The following FBXO45 variants were observed in gnomAD, a reference collection of about 807,000 sequenced individuals.
The protein encoded by FBXO45 is F-box/SPRY domain-containing protein 1.
Under a neutral mutation model 25.5 loss-of-function variants are expected in FBXO45, and 3 were observed. The ratio of observed to expected loss-of-function variants is 0.12; its 90% CI spans 0.05 to 0.30. The LOEUF is 0.30. Ranked by LOEUF, FBXO45 falls within the 10% of genes least tolerant of loss-of-function variation. The probability of loss-of-function intolerance (pLI) is 1.00; values close to 1 mark genes in which losing one functional copy is unlikely to be tolerated. For missense variants in FBXO45, 219 were observed against 365.0 expected (o/e 0.60, Z 3.26); for synonymous variants, 155 against 149.8 (o/e 1.03, Z -0.25).
chr3:196,570,813 G>C (rs1180986394), intron 1 of FBXO45, among the ~76,000 whole-genome samples: 1 of 148,506 alleles, frequency 6.7e-6, no homozygotes, highest in Non-Finnish European at 1.5e-5. Context: ...CCGGGTTCAC[G>C]CCATTCTCCT....
rs1736114630 is a variant in FBXO45 at position 196,586,575 on chromosome 3, T to C, written c.*2257T>C. The C allele has an allele frequency of 6.6e-6, 1 of 152,180 alleles. No individual in the cohort carries two copies. Among genetic ancestry groups the C allele is most frequent in the South Asian group, 2.1e-4 (1 of 4,820 alleles). The allele number at this position is 152,180 out of a possible 1,614,324, so 9.4% of individuals were successfully genotyped here. On this transcript the variant is annotated 3_prime_UTR_variant, in exon 3 of 3. Transcript: ENST00000311630. ...ACCCAGTAGTAGCTCTACAAAATCT[T>C]AAACTGCTGCAGTGCTCAAGGAGAT... is the stretch of plus-strand genomic sequence containing the variant.
At chr3:196,575,719 C>G (rs1277579685) in intron 1 of FBXO45, among the ~76,000 whole-genome samples, 1 of 150,884 alleles carries the variant, frequency 6.6e-6, no homozygotes, top group Non-Finnish European at 1.5e-5. Context: ...CTTTGTCACC[C>G]AGGCTGGAGT....
chr3:196,576,879 G>T (rs993814927), intron 1 of FBXO45, among the ~76,000 whole-genome samples: 12 of 152,278 alleles, frequency 7.9e-5, no homozygotes, highest in African/African-American at 2.9e-4. Context: ...TAGGATTAAA[G>T]TTTCTGTTTT....
rs371976150 is a variant in FBXO45 at position 196,573,684 on chromosome 3, A to G, written c.319-3769A>G. 9.2e-5 allele frequency among the ~76,000 whole-genome samples: 14 copies of G among 152,328 alleles called. No homozygotes were observed. In the East Asian group the frequency reaches 1.3e-3, roughly 15 times the overall value. On this transcript the variant is annotated intron_variant, in intron 1 of 2. Transcript: ENST00000311630. ...AACAGAGAATGATAGGAAAAGGTTTAGGGATAGCATAGAACAGGAAAGTGG... is the reference window on the plus strand; with the variant it reads ...AACAGAGAATGATAGGAAAAGGTTTGGGGATAGCATAGAACAGGAAAGTGG...
At position 196,569,060 on chromosome 3, in the gene FBXO45, G is replaced by T. The variant is rs1560314554; in HGVS notation, c.76G>T (p.Ala26Ser). The change falls in exon 1 of 3, where the codon GCG becomes TCG. Residue 26 changes from alanine to serine, a missense_variant. Coordinates refer to ENST00000311630, the MANE Select transcript of FBXO45 (RefSeq NM_001105573.2). The surrounding 1 kb of genome is among the most constrained non-coding windows in gnomAD (Gnocchi z 4.1). The part of the protein sequence containing the change: ...GCSGGGAGAG[A>S]GSGSGAAGAG... ...TAGCGGCGGCGGCGCGGGCGCGGGCGCGGGCTCGGGCTCTGGGGCCGCGGG... is the reference window on the plus strand; with the variant it reads ...TAGCGGCGGCGGCGCGGGCGCGGGCTCGGGCTCGGGCTCTGGGGCCGCGGG... The T allele has an allele frequency of 2.5e-6, 3 of 1,185,302 alleles. No individual in the cohort carries two copies. The highest frequency in any genetic ancestry group is 4.6e-5 in the Admixed American group (1 of 21,714). 73.4% of individuals were successfully genotyped at this position (1,185,302 alleles called of 1,614,324 possible). A position where few individuals can be genotyped will look rare whatever the true frequency, so the allele number is the denominator to read the frequency against.
chr3:196,584,425 A>C lies in FBXO45; in HGVS notation c.*107A>C, dbSNP rs1227448418. The C allele has an allele frequency of 8.0e-6, 8 of 1,002,208 alleles. No individual in the cohort carries two copies. Among genetic ancestry groups the C allele is most frequent in the Non-Finnish European group, 1.1e-5 (8 of 703,056 alleles). 62.1% of individuals were successfully genotyped at this position (1,002,208 alleles called of 1,614,324 possible). On this transcript the variant is annotated 3_prime_UTR_variant, in exon 3 of 3. Transcript: ENST00000311630. This position sits in a 1 kb window ranked among gnomAD's most constrained non-coding sequence, Gnocchi z 4.3. ...TGCATGTCCAAGAAACATCCTGAAA[A>C]CACATGAAGTCGTAAACTGGAGAAG... is the stretch of plus-strand genomic sequence containing the variant.
In FBXO45 at chr3:196,588,256, G is replaced by A. The variant is rs919063344; in HGVS notation, c.*3938G>A. 3.9e-5 allele frequency: 6 copies of A among 152,068 alleles called. No individual in the cohort carries two copies. Among genetic ancestry groups the A allele is most frequent in the African/African-American group, 1.4e-4 (6 of 41,380 alleles). The allele number at this position is 152,068 out of a possible 1,614,324, so 9.4% of individuals were successfully genotyped here. The stretch of plus-strand genomic sequence containing the variant: ...TAATCTTTGTATTTTTAGTAGAGGG[G>A]GTTTATGCCATGTTGGCCAGGCTGG... On this transcript the variant is annotated 3_prime_UTR_variant, in exon 3 of 3. Coordinates refer to ENST00000311630, the MANE Select transcript of FBXO45 (RefSeq NM_001105573.2). This position sits in a 1 kb window ranked among gnomAD's most constrained non-coding sequence, Gnocchi z 4.2.
rs1735714446 is a variant in FBXO45, at chr3:196,569,019, C to T, written c.35C>T (p.Ser12Leu). ...CCGGCCCCGGGGGCTGGGGCAGCCTCGGGCGGCGCTGGCTGTAGCGGCGGC... is the reference window on the plus strand; with the variant it reads ...CCGGCCCCGGGGGCTGGGGCAGCCTTGGGCGGCGCTGGCTGTAGCGGCGGC... ...AAPAPGAGAASGGAGCSGGGA... is the reference protein window; with the variant it reads ...AAPAPGAGAALGGAGCSGGGA... The change falls in exon 1 of 3, where the codon TCG becomes TTG. Residue 12 changes from serine to leucine, a missense_variant. Physicochemically the swap from Ser to Leu is moderately radical, Grantham distance 145. Transcript: ENST00000311630. The surrounding 1 kb of genome is among the most constrained non-coding windows in gnomAD (Gnocchi z 4.1). The T allele has an allele frequency of 3.0e-6, 3 of 1,015,060 alleles. No individual in the cohort carries two copies. The highest frequency in any genetic ancestry group is 9.8e-5 in the East Asian group (1 of 10,216). 62.9% of individuals were successfully genotyped at this position (1,015,060 alleles called of 1,614,324 possible).
chr3:196,570,326 C>T (rs1443269215), intron 1 of FBXO45, among the ~76,000 whole-genome samples: 1 of 150,636 alleles, frequency 6.6e-6, no homozygotes, highest in African/African-American at 2.4e-5. Context: ...CAACCTCCGC[C>T]TTCCAGGTTC....
intron 1 of FBXO45, among the ~76,000 whole-genome samples, chr3:196,570,008 A>G (rs1735766325): frequency 6.6e-6 from 1 of 152,160 alleles, no homozygotes; most frequent in Admixed American, 6.5e-5. Flanking sequence ...CGTGCTGATT[A>G]CAGTTTCGCT....
chr3:196,581,534 C>T (rs1221681858), intron 2 of FBXO45, among the ~76,000 whole-genome samples: 1 of 152,030 alleles, frequency 6.6e-6, no homozygotes, highest in African/African-American at 2.4e-5. Flanking sequence ...CACACTGGGC[C>T]TGGTTCTTTT....
Position 196,569,333 on chromosome 3 carries a change from C to G in FBXO45, c.318+31C>G, listed in dbSNP as rs1270639105. 6.9e-7 allele frequency: 1 copy of G among 1,455,924 alleles called. No homozygotes were observed. The highest frequency in any genetic ancestry group is 9.2e-7 in the Non-Finnish European group (1 of 1,084,984). The allele number at this position is 1,455,924 out of a possible 1,614,324, so 90.2% of individuals were successfully genotyped here. ...AGAGCCCCGGGCCACACCGCTGCCC[C>G]CAGTCCCGCTCCCCGGCGTCGTTCG... is the stretch of plus-strand genomic sequence containing the variant. On this transcript the variant is annotated intron_variant, in intron 1 of 2. Transcript: ENST00000311630. This position sits in a 1 kb window ranked among gnomAD's most constrained non-coding sequence, Gnocchi z 4.1.
intron 2 of FBXO45, among the ~76,000 whole-genome samples, chr3:196,583,302 T>C (rs1736048240): frequency 6.6e-6 from 1 of 152,154 alleles, no homozygotes; most frequent in Admixed American, 6.5e-5. Flanking sequence ...GGTCAGGAGA[T>C]GGAGACCATC....
At position 196,585,176 on chromosome 3, in the gene FBXO45, C is replaced by T. The variant is rs1286977339; in HGVS notation, c.*858C>T. On this transcript the variant is annotated 3_prime_UTR_variant, in exon 3 of 3. Transcript: ENST00000311630. ...GAAGGCAAATCTATTTCTAATTATA[C>T]ATATATCAGTAAGGATGATCTCAAC... The T allele has an allele frequency of 6.6e-6, 1 of 152,162 alleles. No individual in the cohort carries two copies. Among genetic ancestry groups the T allele is most frequent in the Non-Finnish European group, 1.5e-5 (1 of 68,018 alleles). 9.4% of individuals were successfully genotyped at this position (152,162 alleles called of 1,614,324 possible).
chr3:196,580,236 A>C (rs1577598547), intron 2 of FBXO45, among the ~76,000 whole-genome samples: 11 of 129,374 alleles, frequency 8.5e-5, no homozygotes, highest in East Asian at 2.3e-4. Context: ...ACAGAGTTTC[A>C]CTCTTGTTGC....
At chr3:196,574,833 G>A (rs1735885376) in intron 1 of FBXO45, among the ~76,000 whole-genome samples, 1 of 152,162 alleles carries the variant, frequency 6.6e-6, no homozygotes, top group Non-Finnish European at 1.5e-5. Context: ...GAATGTGTGG[G>A]AGAAGAAAGC....
intron 2 of FBXO45, among the ~76,000 whole-genome samples, chr3:196,581,918 A>G (rs537780102): frequency 6.6e-6 from 1 of 152,314 alleles, no homozygotes; most frequent in Admixed American, 6.5e-5. Context: ...GTGGCAGCTA[A>G]TGTCTGCTCA....
rs1560315934 is a variant in FBXO45, at chr3:196,570,588, A to T, written c.318+1286A>T. Among the ~76,000 whole-genome samples, 4 of 151,330 alleles carry T rather than the reference A, an allele frequency of 2.6e-5. No individual in the cohort carries two copies. In the South Asian group the frequency reaches 6.3e-4, roughly 24 times the overall value. On this transcript the variant is annotated intron_variant, in intron 1 of 2. Transcript: ENST00000311630. ...ACAGGGGTCGGAGTAAGAAGTAAAA[A>T]TTTTTTTTTCATGTGAAGCATGTAA... is the stretch of plus-strand genomic sequence containing the variant.
Position 196,584,021 on chromosome 3 carries a change from G to A in FBXO45, c.676-112G>A, listed in dbSNP as rs1037758088. 2 of 1,026,240 alleles carry A rather than the reference G, an allele frequency of 1.9e-6. No individual in the cohort carries two copies. The highest frequency in any genetic ancestry group is 1.6e-5 in the African/African-American group (1 of 60,844). The allele number at this position is 1,026,240 out of a possible 1,614,324, so 63.6% of individuals were successfully genotyped here. A position where few individuals can be genotyped will look rare whatever the true frequency, so the allele number is the denominator to read the frequency against. On this transcript the variant is annotated intron_variant, in intron 2 of 2. Coordinates refer to ENST00000311630, the MANE Select transcript of FBXO45 (RefSeq NM_001105573.2). The surrounding 1 kb of genome is among the most constrained non-coding windows in gnomAD (Gnocchi z 4.3). ...GAAAGCTTCCCTTCTGATTTTTCTA[G>A]ATAGCTTTCAGGATAATATTCTTAA...
Sources: allele counts gnomAD v4.1 joint callset (sites outside exome capture counted in the v4.1 genomes callset), GRCh38; gene constraint gnomAD v4.1.1; non-coding constraint Gnocchi (gnomAD v3.1); transcripts MANE v1.5; gene names NCBI Gene and HGNC (gene_info 2026-07-23, HGNC 2026-07-21).